Variants in KIF17 observed in about 807,000 individuals in gnomAD.
The protein encoded by KIF17 is kinesin family member 17, also known as kinesin-like protein KIF17.
Under a neutral mutation model 96.8 loss-of-function variants are expected in KIF17, and 80 were observed. The observed-to-expected ratio is 0.83, with a 90% CI of 0.69 to 1.00. The LOEUF is 1.00. KIF17 is among the 50% of genes least tolerant of loss of function. The pLI is 0.00. For missense variants in KIF17, 1,280 were observed against 1,372.9 expected (o/e 0.93, Z 1.07); for synonymous variants, 567 against 587.5 (o/e 0.97, Z 0.51).
chr1:20,674,795 C>T lies in KIF17; in HGVS notation c.2464-2599G>A, dbSNP rs117465995. Among the ~76,000 whole-genome samples the T allele has an allele frequency of 2.9e-3, 436 of 152,098 alleles. 12 individuals are homozygous for T. In the South Asian group the frequency reaches 0.045, roughly 16 times the overall value. ...TGGCATGTGAATATCCAGTTGTCCC[C>T]GCACCATTTATTGACAAGACTGTCC... On this transcript the variant is annotated intron_variant, in intron 11 of 14. Transcript: ENST00000400463.
At chr1:20,669,657 A>G (rs1244674162) in intron 13 of KIF17, among the ~76,000 whole-genome samples, 2 of 149,940 alleles carry the variant, frequency 1.3e-5, no homozygotes, top group Admixed American at 1.3e-4. Context: ...GAGGATCACA[A>G]GGTCAAGAGA....
Position 20,672,157 on chromosome 1 carries a change from C to T in KIF17, c.2503G>A (p.Glu835Lys), listed in dbSNP as rs772481150. The T allele has an allele frequency of 1.1e-5, 18 of 1,614,176 alleles. No individual in the cohort carries two copies. The South Asian group carries it at 1.2e-4, about 11-fold the overall frequency. ...TAATCGATCTTCTCCAGCTGAAACTCGGACTGCAGATCTTTGATCTCCACC... is the reference window on the plus strand; with the variant it reads ...TAATCGATCTTCTCCAGCTGAAACTTGGACTGCAGATCTTTGATCTCCACC... ...AEVEIKDLQS[E>K]FQLEKIDYLA... Residue 835 changes from glutamate (E) to lysine (K), a missense_variant, in exon 12 of 15, where the codon GAG (glutamate) becomes AAG (lysine). Glu to Lys is a moderately conservative substitution (Grantham distance 56, BLOSUM62 1). Coordinates refer to ENST00000400463, the MANE Select transcript of KIF17 (RefSeq NM_001122819.3). The surrounding 1 kb of genome is among the most constrained non-coding windows in gnomAD (Gnocchi z 4.3).
At chr1:20,712,202 G>A (rs1450764245) in intron 3 of KIF17, among the ~76,000 whole-genome samples, 2 of 152,054 alleles carry the variant, frequency 1.3e-5, no homozygotes, top group Admixed American at 6.6e-5. Flanking sequence ...GCTCCAGTGC[G>A]GGTTAGCAGA....
At chr1:20,711,464 G>C (rs557354237) in intron 3 of KIF17, among the ~76,000 whole-genome samples, 2 of 152,130 alleles carry the variant, frequency 1.3e-5, no homozygotes, top group African/African-American at 4.8e-5. Context: ...TCTCTGCTGC[G>C]GAGAGGCCAG....
At chr1:20,679,311 AAAT>A (rs1164196489) in intron 11 of KIF17, among the ~76,000 whole-genome samples, 2 of 151,906 alleles carry the variant, frequency 1.3e-5, no homozygotes, top group African/African-American at 4.8e-5. Context: ...CCGCTACAAA[AAAT>A]AATAATAATA....
At chr1:20,701,505 G>C (rs2054235794) in intron 5 of KIF17, among the ~76,000 whole-genome samples, 2 of 152,186 alleles carry the variant, frequency 1.3e-5, no homozygotes, top group Non-Finnish European at 2.9e-5. Context: ...TGCAGAGGTG[G>C]TGATAACACC....
At position 20,687,210 on chromosome 1, in the gene KIF17, C is replaced by G. The variant is rs148337882; in HGVS notation, c.1938+178G>C. 2.0e-4 allele frequency among the ~76,000 whole-genome samples: 30 copies of G among 152,328 alleles called. No homozygotes were observed. Among genetic ancestry groups the G allele is most frequent in the African/African-American group, 7.2e-4 (30 of 41,578 alleles). ...AGACAGAGCTTCTCCTTCCCTAACC[C>G]CTGGACACCAGTGCCCCTGAGCCAG... On this transcript the variant is annotated intron_variant, in intron 8 of 14. Coordinates refer to ENST00000400463, the MANE Select transcript of KIF17 (RefSeq NM_001122819.3). The surrounding 1 kb of genome is among the most constrained non-coding windows in gnomAD (Gnocchi z 4.4).
At position 20,709,926 on chromosome 1, in the gene KIF17, G is replaced by T; in HGVS notation, c.481-98C>A. 1.8e-6 allele frequency: 2 copies of T among 1,126,732 alleles called. No individual in the cohort carries two copies. The highest frequency in any genetic ancestry group is 2.6e-6 in the Non-Finnish European group (2 of 766,942). 69.8% of individuals were successfully genotyped at this position (1,126,732 alleles called of 1,614,324 possible). On this transcript the variant is annotated intron_variant, in intron 3 of 14. Coordinates refer to ENST00000400463, the MANE Select transcript of KIF17 (RefSeq NM_001122819.3). This position sits in a 1 kb window ranked among gnomAD's most constrained non-coding sequence, Gnocchi z 4.7. Reference sequence around the variant, plus strand: ...CAGAGAGAAGGGCCCCATCCAGACCGCCCTCGCCCTCCTGTAATGCAGGCT... The same window carrying T: ...CAGAGAGAAGGGCCCCATCCAGACCTCCCTCGCCCTCCTGTAATGCAGGCT...
rs571229334 is a variant in KIF17 at position 20,700,383 on chromosome 1, G to A, written c.1124-1895C>T. 6.6e-6 allele frequency among the ~76,000 whole-genome samples: 1 copy of A among 152,270 alleles called. No homozygotes were observed. The highest frequency in any genetic ancestry group is 2.1e-4 in the South Asian group (1 of 4,828). ...ACTGCGCCCGGCCAGGCTGTAGCCA[G>A]TTTTGAAGGTGGAGATGGCAGGATC... On this transcript the variant is annotated intron_variant, in intron 5 of 14. Coordinates refer to ENST00000400463, the MANE Select transcript of KIF17 (RefSeq NM_001122819.3). This position sits in a 1 kb window ranked among gnomAD's most constrained non-coding sequence, Gnocchi z 4.6.
At chr1:20,710,841 G>A (rs1022057778) in intron 3 of KIF17, among the ~76,000 whole-genome samples, 2 of 152,220 alleles carry the variant, frequency 1.3e-5, no homozygotes, top group Admixed American at 1.3e-4. Flanking sequence ...CACCCAGAAA[G>A]GAGAAGGTGA....
At position 20,717,717 on chromosome 1, in the gene KIF17, C is replaced by G. The variant is rs1433050915; in HGVS notation, c.-11G>C. On this transcript the variant is annotated 5_prime_UTR_variant, in exon 1 of 15. Coordinates refer to ENST00000400463, the MANE Select transcript of KIF17 (RefSeq NM_001122819.3). ...CGCCTCGGAGGCCATGGCGCCGCGC[C>G]CAGGACCAACGGGACCAGAGCTGAC... The G allele has an allele frequency of 6.4e-7, 1 of 1,554,806 alleles. No individual in the cohort carries two copies. Among genetic ancestry groups the G allele is most frequent in the Admixed American group, 1.9e-5 (1 of 53,396 alleles).
In KIF17 at chr1:20,704,437, G is replaced by A. The variant is rs762235245; in HGVS notation, c.1123+10C>T. 23 of 1,611,686 alleles carry A rather than the reference G, an allele frequency of 1.4e-5. No individual in the cohort carries two copies. The highest frequency in any genetic ancestry group is 2.2e-5 in the South Asian group (2 of 90,846). ...CTGGCCCTCCCGCCACTACCCCAACGTGGTCCCACCTGACAGGCTGCTGGG... is the reference window on the plus strand; with the variant it reads ...CTGGCCCTCCCGCCACTACCCCAACATGGTCCCACCTGACAGGCTGCTGGG... On this transcript the variant is annotated intron_variant, in intron 5 of 14. Transcript: ENST00000400463. This position sits in a 1 kb window ranked among gnomAD's most constrained non-coding sequence, Gnocchi z 6.8.
intron 13 of KIF17, among the ~76,000 whole-genome samples, chr1:20,667,254 C>A (rs140677413): frequency 2.0e-3 from 297 of 152,208 alleles, no homozygotes; most frequent in African/African-American, 6.8e-3. Context: ...GCATTAGATT[C>A]TCATAGGAGG....
rs796415028 is a variant in KIF17, at chr1:20,699,701, A to AGGGGGAGCTTGCTAGAC, written c.1124-1214_1124-1213insGTCTAGCAAGCTCCCCC. On this transcript the variant is annotated intron_variant, in intron 5 of 14. Transcript: ENST00000400463. The surrounding 1 kb of genome is among the most constrained non-coding windows in gnomAD (Gnocchi z 4.3). ...GCTAGACAGGGGGAGCTTGCTAGAC[A>AGGGGGAGCTTGCTAGAC]GGGGGAGCGGTGAGTGCGAGGGCCC... Among the ~76,000 whole-genome samples the AGGGGGAGCTTGCTAGAC allele has an allele frequency of 0.024, 3,651 of 151,626 alleles. 141 individuals are homozygous for AGGGGGAGCTTGCTAGAC. Among genetic ancestry groups the AGGGGGAGCTTGCTAGAC allele is most frequent in the African/African-American group, 0.085 (3,465 of 40,950 alleles).
intron 11 of KIF17, among the ~76,000 whole-genome samples, chr1:20,677,531 G>A (rs761999029): frequency 2.0e-5 from 3 of 152,288 alleles, no homozygotes; most frequent in Middle Eastern, 6.8e-3. Context: ...CAATGATCCA[G>A]CCTCACAATG....
At chr1:20,712,910 A>AGATATTATC (rs1471897230) in intron 3 of KIF17, among the ~76,000 whole-genome samples, 2 of 86,586 alleles carry the variant, frequency 2.3e-5, no homozygotes, top group African/African-American at 7.8e-5. Flanking sequence ...TCTATATTAT[A>AGATATTATC]TATATAATAT....
downstream of KIF17, among the ~76,000 whole-genome samples, chr1:20,662,402 A>G (rs557642314): frequency 1.3e-3 from 194 of 152,338 alleles, no homozygotes; most frequent in Non-Finnish European, 2.2e-3. Flanking sequence ...TAGAGACAGA[A>G]GGTAGCAGTT....
chr1:20,707,377 A>C (rs1207510669), intron 4 of KIF17, among the ~76,000 whole-genome samples: 1 of 152,226 alleles, frequency 6.6e-6, no homozygotes, highest in Admixed American at 6.5e-5. Flanking sequence ...GGTGACAGTA[A>C]AGTGCAGAAA....
chr1:20,698,132 C>T (rs1157717075), intron 6 of KIF17, among the ~76,000 whole-genome samples: 1 of 152,212 alleles, frequency 6.6e-6, no homozygotes, highest in Non-Finnish European at 1.5e-5. Context: ...CTGTTCTCAC[C>T]ACGCAGGCCC....
Sources: gnomAD v4.1 joint callset for allele counts (sites outside exome capture counted in the v4.1 genomes callset) on GRCh38, gnomAD v4.1.1 for gene constraint, Gnocchi (gnomAD v3.1) non-coding constraint, MANE v1.5 for transcripts, NCBI Gene and HGNC (gene_info 2026-07-23, HGNC 2026-07-21) for gene names.